GNAO1: variants seen among roughly 807,000 people sequenced by gnomAD.
GNAO1 encodes guanine nucleotide-binding protein G(o) subunit alpha.
For missense variants in GNAO1, 166 were observed against 478.7 expected (o/e 0.35, Z 6.10); for synonymous variants, 164 against 180.7 (o/e 0.91, Z 0.74).
chr16:56,257,446 G>A (rs571369877), intron 2 of GNAO1, among the ~76,000 whole-genome samples: 5 of 152,280 alleles, frequency 3.3e-5, no homozygotes, highest in African/African-American at 9.6e-5. Context: ...ATTGTCATTA[G>A]TGTTCCGTGT....
chr16:56,264,826 A>C (rs1308665510), intron 2 of GNAO1, among the ~76,000 whole-genome samples: 1 of 148,946 alleles, frequency 6.7e-6, no homozygotes, highest in Non-Finnish European at 1.5e-5. Context: ...AGTATATAGT[A>C]TAGTATACTA....
chr16:56,244,687 C>G (rs2036726113), intron 2 of GNAO1, among the ~76,000 whole-genome samples: 1 of 152,118 alleles, frequency 6.6e-6, no homozygotes, highest in Non-Finnish European at 1.5e-5. Flanking sequence ...TCTCTAGGGT[C>G]CCAGCTATTT....
intron 2 of GNAO1, among the ~76,000 whole-genome samples, chr16:56,252,635 C>T (rs978403335): frequency 1.1e-4 from 17 of 152,306 alleles, no homozygotes; most frequent in Admixed American, 9.8e-4. Context: ...CCCAGCACGA[C>T]GTCTGGCACA....
At chr16:56,259,750 A>G (rs1183431290) in intron 2 of GNAO1, among the ~76,000 whole-genome samples, 7 of 152,306 alleles carry the variant, frequency 4.6e-5, no homozygotes, top group African/African-American at 1.7e-4. Flanking sequence ...AAGGCCTTTA[A>G]AGAGGGGTAA....
chr16:56,245,816 C>T (rs1459158558), intron 2 of GNAO1, among the ~76,000 whole-genome samples: 1 of 152,114 alleles, frequency 6.6e-6, no homozygotes, highest in Non-Finnish European at 1.5e-5. Context: ...GCAATTGAGA[C>T]ACAGTACCAA....
chr16:56,345,723 G>A (rs1288778766), intron 6 of GNAO1: 27 of 985,462 alleles, frequency 2.7e-5, no homozygotes, highest in Non-Finnish European at 3.1e-5. Context: ...TGGACAGCCA[G>A]GGCCAGCTAA....
At chr16:56,310,813 G>A (rs2037450178) in intron 3 of GNAO1, among the ~76,000 whole-genome samples, 1 of 152,234 alleles carries the variant, frequency 6.6e-6, no homozygotes, top group East Asian at 1.9e-4. Context: ...CTACTAGTCT[G>A]GGGCAGGTGT....
In GNAO1 at chr16:56,285,314, C is replaced by T. The variant is rs978211074; in HGVS notation, c.303+9242C>T. 4.6e-5 allele frequency among the ~76,000 whole-genome samples: 7 copies of T among 151,718 alleles called. 1 individual carries two copies. Among genetic ancestry groups the T allele is most frequent in the Admixed American group, 3.3e-4 (5 of 15,246 alleles). On this transcript the variant is annotated intron_variant, in intron 3 of 8. Coordinates refer to ENST00000262493, the MANE Select transcript of GNAO1 (RefSeq NM_020988.3). Reference sequence around the variant, plus strand: ...TGATGGTGGGAAAATGTTATAACCACGTAAATAAATATTCCTCGGCATCAG... The same window carrying T: ...TGATGGTGGGAAAATGTTATAACCATGTAAATAAATATTCCTCGGCATCAG...
intron 3 of GNAO1, among the ~76,000 whole-genome samples, chr16:56,288,844 G>A (rs1182490661): frequency 6.6e-6 from 1 of 152,034 alleles, no homozygotes; most frequent in Non-Finnish European, 1.5e-5. Flanking sequence ...CGGCTGGCAG[G>A]GTGACCTCAG....
intron 2 of GNAO1, among the ~76,000 whole-genome samples, chr16:56,213,013 G>A (rs2036404902): frequency 6.6e-6 from 1 of 152,230 alleles, no homozygotes; most frequent in African/African-American, 2.4e-5. Context: ...GTCCCCAGGA[G>A]CCCTGCCCGG....
intron 2 of GNAO1, among the ~76,000 whole-genome samples, chr16:56,213,762 AC>A (rs1444700055): frequency 6.6e-6 from 1 of 152,104 alleles, no homozygotes; most frequent in African/African-American, 2.4e-5. Context: ...CCAGAAATAG[AC>A]AGTACAGAGG....
chr16:56,243,078 T>C (rs1028532094), intron 2 of GNAO1, among the ~76,000 whole-genome samples: 4 of 151,888 alleles, frequency 2.6e-5, no homozygotes, highest in East Asian at 1.9e-4. Flanking sequence ...AAGAATCTAA[T>C]GCCTGATGAT....
intron 3 of GNAO1, among the ~76,000 whole-genome samples, chr16:56,280,078 C>A (rs947010223): frequency 6.6e-6 from 1 of 152,226 alleles, no homozygotes; most frequent in Non-Finnish European, 1.5e-5. Context: ...GATTGAGTAC[C>A]TACCATGTGT....
rs561906042 is a variant in GNAO1, at chr16:56,317,107, T to G, written c.304-11524T>G. ...TTCTGAGGCTGAAAAGGAAAGAAAG[T>G]TAGGATCAAAAAACCCAAGCCTTCT... On this transcript the variant is annotated intron_variant, in intron 3 of 8. Coordinates refer to ENST00000262493, the MANE Select transcript of GNAO1 (RefSeq NM_020988.3). Among the ~76,000 whole-genome samples the G allele has an allele frequency of 1.2e-4, 18 of 152,304 alleles. No homozygotes were observed. In the East Asian group the frequency reaches 3.5e-3, roughly 29 times the overall value.
intron 3 of GNAO1, among the ~76,000 whole-genome samples, chr16:56,289,030 A>G (rs952262743): frequency 5.1e-5 from 7 of 136,040 alleles, no homozygotes; most frequent in Admixed American, 3.6e-4. Context: ...TTGTATCCAA[A>G]AAAGGGGGGG....
intron 3 of GNAO1, among the ~76,000 whole-genome samples, chr16:56,294,807 G>A (rs1337576847): frequency 6.6e-6 from 1 of 152,122 alleles, no homozygotes; most frequent in Non-Finnish European, 1.5e-5. Flanking sequence ...AGCTGCTCAA[G>A]TTTGTGCACA....
At chr16:56,246,501 G>T (rs574823445) in intron 2 of GNAO1, among the ~76,000 whole-genome samples, 1 of 150,560 alleles carries the variant, frequency 6.6e-6, no homozygotes, top group Non-Finnish European at 1.5e-5. Context: ...GATACTGGAC[G>T]ATCAAGTTCA....
Position 56,343,708 on chromosome 16 carries a change from C to T in GNAO1, c.723+6848C>T, listed in dbSNP as rs1008518357. The T allele has an allele frequency of 8.3e-6, 12 of 1,444,156 alleles. No individual in the cohort carries two copies. In the South Asian group the frequency reaches 1.5e-4, roughly 18 times the overall value. 89.5% of individuals were successfully genotyped at this position (1,444,156 alleles called of 1,614,324 possible). ...ACAGGCCAGGCTGGGGTCGTCCATG[C>T]CAAGCAGTCCCATGGGCCTCTCGCC... On this transcript the variant is annotated intron_variant, in intron 6 of 8. Coordinates refer to ENST00000262493, the MANE Select transcript of GNAO1 (RefSeq NM_020988.3).
At chr16:56,246,978 C>T (rs1172747809) in intron 2 of GNAO1, among the ~76,000 whole-genome samples, 4 of 152,176 alleles carry the variant, frequency 2.6e-5, no homozygotes, top group Non-Finnish European at 5.9e-5. Flanking sequence ...AAATAAAATG[C>T]CCACTTTACC....
Sources: gnomAD v4.1 joint callset for allele counts (sites outside exome capture counted in the v4.1 genomes callset) on GRCh38, gnomAD v4.1.1 for gene constraint, MANE v1.5 for transcripts, NCBI Gene and HGNC (gene_info 2026-07-23, HGNC 2026-07-21) for gene names.